IKZF3: variants seen among roughly 807,000 people sequenced by gnomAD.
IKZF3 encodes IKAROS family zinc finger 3, also known as zinc finger protein Aiolos.
A neutral mutation model predicts 49.0 loss-of-function variants in IKZF3; 10 were observed. The observed-to-expected ratio is 0.20, with a 90% CI of 0.13 to 0.35. IKZF3 has a LOEUF of 0.35. Among genes scored for constraint, IKZF3 ranks in the 10% least tolerant of loss-of-function variants. The pLI, the probability that IKZF3 is intolerant of heterozygous loss-of-function variation, is 1.00. For synonymous variants in IKZF3, 209 were observed against 228.2 expected (o/e 0.92, Z 0.76); for missense variants, 498 against 664.8 (o/e 0.75, Z 2.76).
chr17:39,829,808 T>G (rs2062060509), intron 2 of IKZF3, among the ~76,000 whole-genome samples: 1 of 152,026 alleles, frequency 6.6e-6, no homozygotes, highest in South Asian at 2.1e-4. Context: ...AAAAATTAGT[T>G]GGGCATGGCG....
At chr17:39,792,353 A>G (rs1232085268) in intron 4 of IKZF3, among the ~76,000 whole-genome samples, 1 of 152,238 alleles carries the variant, frequency 6.6e-6, no homozygotes, top group Non-Finnish European at 1.5e-5. Context: ...ATGTTATGCA[A>G]AAATATACAA....
chr17:39,788,492 T>A (rs1049564827), intron 5 of IKZF3, 118 bp from the exon 6 acceptor site: 14 of 660,352 alleles, frequency 2.1e-5, no homozygotes, highest in African/African-American at 3.6e-5. Flanking sequence ...GCCAGAGTAT[T>A]TGGATACTTT....
chr17:39,817,775 T>C (rs941947294), intron 3 of IKZF3, among the ~76,000 whole-genome samples: 9 of 152,242 alleles, frequency 5.9e-5, no homozygotes, highest in Non-Finnish European at 1.2e-4. Flanking sequence ...AGCAGGGTCC[T>C]GGTAACCACC....
intron 3 of IKZF3, among the ~76,000 whole-genome samples, chr17:39,807,535 A>G (rs2061457101): frequency 7.2e-6 from 1 of 138,102 alleles, no homozygotes. Context: ...AGTAGCTGGG[A>G]CTATTTAAAT....
At chr17:39,821,159 T>C (rs530747982) in intron 3 of IKZF3, among the ~76,000 whole-genome samples, 3 of 152,278 alleles carry the variant, frequency 2.0e-5, no homozygotes, top group East Asian at 3.9e-4. Context: ...CCTGAGGGCC[T>C]GGTACTTGAG....
intron 7 of IKZF3, among the ~76,000 whole-genome samples, chr17:39,769,510 T>C (rs2060382608): frequency 6.6e-6 from 1 of 152,228 alleles, no homozygotes; most frequent in South Asian, 2.1e-4. Flanking sequence ...AAGTAATCAA[T>C]GTTTTTTATT....
At chr17:39,816,507 T>G (rs894529008) in intron 3 of IKZF3, among the ~76,000 whole-genome samples, 1 of 152,226 alleles carries the variant, frequency 6.6e-6, no homozygotes, top group Non-Finnish European at 1.5e-5. Flanking sequence ...ATGTATCTTC[T>G]ACAGTTGTCT....
At chr17:39,862,210 T>G (rs2063231892) in intron 1 of IKZF3, among the ~76,000 whole-genome samples, 1 of 152,200 alleles carries the variant, frequency 6.6e-6, no homozygotes, top group African/African-American at 2.4e-5. Context: ...ATCTGACATC[T>G]TCATACATAG....
chr17:39,839,659 CT>C (rs2062407693), intron 1 of IKZF3: 1 of 327,038 alleles, frequency 3.1e-6, no homozygotes, highest in Admixed American at 4.8e-5. Flanking sequence ...TTTGAGCCCT[CT>C]TCATCCCAGG....
At chr17:39,811,954 C>T (rs1326035804) in intron 3 of IKZF3, among the ~76,000 whole-genome samples, 1 of 152,114 alleles carries the variant, frequency 6.6e-6, no homozygotes, top group Non-Finnish European at 1.5e-5. Flanking sequence ...AGTTGTCTAC[C>T]CTTGCCCACT....
chr17:39,792,274 A>G lies in IKZF3; in HGVS notation c.424+399T>C, dbSNP rs148630766. Among the ~76,000 whole-genome samples the G allele has an allele frequency of 1.5e-3, 231 of 152,336 alleles. 1 individual carries two copies. The highest frequency in any genetic ancestry group is 3.0e-3 in the Non-Finnish European group (206 of 68,038). ...GAAGATACATTATTTTAAGCTGGAA[A>G]TAAAAACTATGTCCTTTCATTTACC... On this transcript the variant is annotated intron_variant, in intron 4 of 7. Coordinates refer to ENST00000346872, the MANE Select transcript of IKZF3 (RefSeq NM_012481.5).
At chr17:39,849,943 T>C (rs1424225900) in intron 1 of IKZF3, among the ~76,000 whole-genome samples, 1 of 151,148 alleles carries the variant, frequency 6.6e-6, no homozygotes, top group African/African-American at 2.4e-5. Context: ...CCAACCACTT[T>C]GGAAACTCTT....
At chr17:39,814,859 C>T (rs1400612954) in intron 3 of IKZF3, among the ~76,000 whole-genome samples, 1 of 152,056 alleles carries the variant, frequency 6.6e-6, no homozygotes, top group Non-Finnish European at 1.5e-5. Flanking sequence ...TTTTGTCACC[C>T]AGTTTGTGGT....
chr17:39,808,175 T>C (rs1352551511), intron 3 of IKZF3, among the ~76,000 whole-genome samples: 2 of 152,222 alleles, frequency 1.3e-5, no homozygotes, highest in Non-Finnish European at 2.9e-5. Context: ...TCATGGTAAG[T>C]ATAGTTTCTG....
At chr17:39,796,247 T>A (rs1309796912) in intron 3 of IKZF3, among the ~76,000 whole-genome samples, 1 of 152,176 alleles carries the variant, frequency 6.6e-6, no homozygotes, top group East Asian at 1.9e-4. Flanking sequence ...AAAATTCTAT[T>A]AGAAAATACT....
At chr17:39,829,350 A>G (rs1227947224) in intron 3 of IKZF3, 37 bp downstream of exon 3, 9 of 1,391,416 alleles carry the variant, frequency 6.5e-6, no homozygotes, top group Non-Finnish European at 9.2e-6. Flanking sequence ...AGCAATATCT[A>G]CAGGCATCAG....
At position 39,791,445 on chromosome 17, in the gene IKZF3, G is replaced by T; in HGVS notation, c.563C>A (p.Ala188Glu). ...ATGTGTCCTAAGATGCCCCGTGAGCGCATCTCTTCTTTGGCATGCATAGTT... is the reference window on the plus strand; with the variant it reads ...ATGTGTCCTAAGATGCCCCGTGAGCTCATCTCTTCTTTGGCATGCATAGTT... ...LCNYACQRRD[A>E]LTGHLRTHSV... The change falls in exon 5 of 8, where the codon GCG becomes GAG. Residue 188 changes from alanine (A) to glutamate (E), a missense_variant. Coordinates refer to ENST00000346872, the MANE Select transcript of IKZF3 (RefSeq NM_012481.5). 6.2e-7 allele frequency: 1 copy of T among 1,613,816 alleles called. No individual in the cohort carries two copies. The highest frequency in any genetic ancestry group is 8.5e-7 in the Non-Finnish European group (1 of 1,179,906).
chr17:39,791,706 G>T, intron 4 of IKZF3, 123 bp from the exon 5 acceptor site: 2 of 987,322 alleles, frequency 2.0e-6, no homozygotes, highest in Non-Finnish European at 3.0e-6. Flanking sequence ...GGGATCAGTT[G>T]GGAGCTGCAT....
intron 1 of IKZF3, among the ~76,000 whole-genome samples, chr17:39,840,185 T>C: frequency 6.6e-6 from 1 of 152,210 alleles, no homozygotes; most frequent in East Asian, 1.9e-4. Flanking sequence ...AGTTGGGCTA[T>C]TTAGAGTGTA....
Sources: allele counts gnomAD v4.1 joint callset (sites outside exome capture counted in the v4.1 genomes callset), GRCh38; gene constraint gnomAD v4.1.1; transcripts MANE v1.5; gene names NCBI Gene and HGNC (gene_info 2026-07-23, HGNC 2026-07-21).